MAML3: variants seen among roughly 807,000 people sequenced by gnomAD.
The protein encoded by MAML3 is mastermind like transcriptional coactivator 3.
In MAML3, 27 loss-of-function variants were observed where a neutral mutation model predicts 101.9. The ratio of observed to expected loss-of-function variants is 0.27; its 90% CI spans 0.20 to 0.37. MAML3 has a LOEUF of 0.37. Among genes scored for constraint, MAML3 ranks in the 10% least tolerant of loss-of-function variants. MAML3 has a pLI of 1.00. For missense variants in MAML3, 1,316 were observed against 1,444.9 expected (o/e 0.91, Z 1.45); for synonymous variants, 501 against 555.9 (o/e 0.90, Z 1.39).
intron 1 of MAML3, among the ~76,000 whole-genome samples, chr4:139,972,702 T>A (rs140758702): frequency 6.6e-6 from 1 of 152,352 alleles, no homozygotes; most frequent in East Asian, 1.9e-4. Context: ...AAGTATGCAC[T>A]GAAAATTAGT....
chr4:139,817,580 C>G (rs989113854), intron 2 of MAML3, among the ~76,000 whole-genome samples: 11 of 152,206 alleles, frequency 7.2e-5, no homozygotes, highest in Non-Finnish European at 1.5e-5. Flanking sequence ...TCCTATCCCT[C>G]CATTCAGTGA....
At position 139,864,923 on chromosome 4, in the gene MAML3, C is replaced by CTTGTTTTTTTTTTTTTTTTTTT. The variant is rs56928318; in HGVS notation, c.2079+24433_2079+24434insAAAAAAAAAAAAAAAAAAACAA. Among the ~76,000 whole-genome samples the CTTGTTTTTTTTTTTTTTTTTTT allele has an allele frequency of 4.8e-5, 3 of 62,456 alleles. 1 individual carries two copies. Among genetic ancestry groups the CTTGTTTTTTTTTTTTTTTTTTT allele is most frequent in the African/African-American group, 1.2e-4 (2 of 17,052 alleles). The allele number at this position is 62,456 out of a possible 152,430, so 41.0% of individuals were successfully genotyped here. On this transcript the variant is annotated intron_variant, in intron 2 of 4. Coordinates refer to ENST00000509479, the MANE Select transcript of MAML3 (RefSeq NM_018717.5). ...TTAGGAAAATAGTAATGCAAACTTG[C>CTTGTTTTTTTTTTTTTTTTTTT]TTTTTTTTTTTTTTTTTTTTTTTTT...
chr4:140,004,459 C>T (rs1220643196), intron 1 of MAML3, among the ~76,000 whole-genome samples: 3 of 152,124 alleles, frequency 2.0e-5, no homozygotes, highest in Admixed American at 2.0e-4. Flanking sequence ...CATAAGAAAC[C>T]TCTCCTTCTG....
chr4:139,801,643 G>GTGTGTGTGTGTGTGTGTGTGT (rs1560798508), intron 2 of MAML3, among the ~76,000 whole-genome samples: 4 of 30,778 alleles, frequency 1.3e-4, no homozygotes, highest in South Asian at 2.3e-3. Context: ...GGTGTGTGTG[G>GTGTGTGTGTGTGTGTGTGTGT]GTGTGTGTGT....
chr4:139,851,050 C>G (rs1350311795), intron 2 of MAML3, among the ~76,000 whole-genome samples: 1 of 152,154 alleles, frequency 6.6e-6, no homozygotes, highest in Non-Finnish European at 1.5e-5. Context: ...TTTTAGCATT[C>G]ACTACTCTGG....
intron 1 of MAML3, among the ~76,000 whole-genome samples, chr4:140,071,185 G>T (rs1727645347): frequency 6.6e-6 from 1 of 152,140 alleles, no homozygotes; most frequent in Non-Finnish European, 1.5e-5. Context: ...TGAAAGAGCT[G>T]CTGCAGACGA....
At chr4:139,749,552 G>C (rs989101465) in intron 2 of MAML3, among the ~76,000 whole-genome samples, 7 of 152,306 alleles carry the variant, frequency 4.6e-5, no homozygotes, top group African/African-American at 1.7e-4. Context: ...AACTGTCAAG[G>C]GGGTGGGGGG....
chr4:140,146,072 C>T (rs902298765), intron 1 of MAML3, among the ~76,000 whole-genome samples: 2 of 151,836 alleles, frequency 1.3e-5, no homozygotes, highest in Non-Finnish European at 2.9e-5. Context: ...GGGGTTTCAC[C>T]ATGTTGGTCA....
intron 1 of MAML3, among the ~76,000 whole-genome samples, chr4:140,149,067 A>G (rs1002730635): frequency 1.7e-4 from 26 of 152,286 alleles, no homozygotes; most frequent in Non-Finnish European, 8.8e-5. Flanking sequence ...TGTCAATTGA[A>G]ATTTGCCTTA....
intron 1 of MAML3, among the ~76,000 whole-genome samples, chr4:140,030,406 C>T (rs1726889427): frequency 6.6e-6 from 1 of 152,126 alleles, no homozygotes; most frequent in Non-Finnish European, 1.5e-5. Context: ...TCTTACCTGC[C>T]CAGAGTGAAG....
At chr4:139,987,783 G>T (rs1185418187) in intron 1 of MAML3, among the ~76,000 whole-genome samples, 1 of 152,038 alleles carries the variant, frequency 6.6e-6, no homozygotes, top group Non-Finnish European at 1.5e-5. Context: ...ACTTTGGAAG[G>T]CCGAGGCAGG....
At chr4:139,823,147 C>A (rs1731003812) in intron 2 of MAML3, among the ~76,000 whole-genome samples, 1 of 152,160 alleles carries the variant, frequency 6.6e-6, no homozygotes, top group Admixed American at 6.5e-5. Flanking sequence ...TAAATGATTC[C>A]TCATTATGCA....
chr4:140,137,375 C>A lies in MAML3; in HGVS notation c.468+15485G>T, dbSNP rs182926227. Among the ~76,000 whole-genome samples, 464 of 152,274 alleles carry A rather than the reference C, an allele frequency of 3.0e-3. 2 individuals are homozygous for A. The highest frequency in any genetic ancestry group is 0.011 in the African/African-American group (439 of 41,544). ...CACTTCTTCCTACAACCTGTGCCAC[C>A]CATATGGTTGTGGGTTTTAACATTG... On this transcript the variant is annotated intron_variant, in intron 1 of 4. Transcript: ENST00000509479.
At chr4:140,094,872 T>A (rs1202337355) in intron 1 of MAML3, among the ~76,000 whole-genome samples, 1 of 152,254 alleles carries the variant, frequency 6.6e-6, no homozygotes, top group Non-Finnish European at 1.5e-5. Context: ...TTTTCTTTTG[T>A]CTCAAAGCCA....
chr4:139,849,293 T>A (rs1377597668), intron 2 of MAML3, among the ~76,000 whole-genome samples: 5 of 152,216 alleles, frequency 3.3e-5, no homozygotes, highest in Non-Finnish European at 7.3e-5. Flanking sequence ...ATATTAGGAT[T>A]CTAGGGGTTC....
chr4:140,153,149 G>A lies in MAML3; in HGVS notation c.179C>T (p.Pro60Leu), dbSNP rs1578713502. 2 of 1,550,270 alleles carry A rather than the reference G, an allele frequency of 1.3e-6. No individual in the cohort carries two copies. Among genetic ancestry groups the A allele is most frequent in the East Asian group, 4.9e-5 (2 of 40,910 alleles). The change falls in exon 1 of 5, where the codon CCC becomes CTC. Residue 60 changes from proline to leucine, a missense_variant. Transcript: ENST00000509479. ...GGGAACGGCCGCCGAACCGCCGCCGGGGCCCCCGGAGCCGCCGCATCCACC... is the reference window on the plus strand; with the variant it reads ...GGGAACGGCCGCCGAACCGCCGCCGAGGCCCCCGGAGCCGCCGCATCCACC... ...AAGGCGGSGG[P>L]GGGSAAVPKH...
intron 2 of MAML3, among the ~76,000 whole-genome samples, chr4:139,796,273 A>C (rs1730509819): frequency 6.6e-6 from 1 of 152,228 alleles, no homozygotes; most frequent in South Asian, 2.1e-4. Context: ...AGAAACTTCG[A>C]AAAAAGAAGA....
intron 1 of MAML3, among the ~76,000 whole-genome samples, chr4:140,074,152 A>AAGAGAG (rs1407568689): frequency 1.5e-5 from 2 of 136,006 alleles, no homozygotes; most frequent in Admixed American, 8.0e-5. Context: ...GAAAGAAAGA[A>AAGAGAG]AGAGAGAGAG....
intron 1 of MAML3, among the ~76,000 whole-genome samples, chr4:139,892,322 T>C (rs1030741603): frequency 1.3e-5 from 2 of 152,230 alleles, no homozygotes; most frequent in African/African-American, 4.8e-5. Flanking sequence ...TATCCATTTA[T>C]TCAAGTCAGA....
Sources: gnomAD v4.1 joint callset for allele counts (sites outside exome capture counted in the v4.1 genomes callset) on GRCh38, gnomAD v4.1.1 for gene constraint, MANE v1.5 for transcripts, NCBI Gene and HGNC (gene_info 2026-07-23, HGNC 2026-07-21) for gene names.